The following EPHA5 variants were observed in gnomAD, a reference collection of about 807,000 sequenced individuals.
The protein encoded by EPHA5 is ephrin type-A receptor 5.
In EPHA5, 60 loss-of-function variants were observed where a neutral mutation model predicts 105.0. The ratio of observed to expected loss-of-function variants is 0.57; its 90% CI spans 0.46 to 0.71. EPHA5 has a LOEUF of 0.71. Ranked by LOEUF, EPHA5 falls within the 30% of genes least tolerant of loss-of-function variation. The pLI, the probability that EPHA5 is intolerant of heterozygous loss-of-function variation, is 0.00. For synonymous variants in EPHA5, 513 were observed against 449.1 expected, an observed-to-expected ratio of 1.14 and a Z score of -1.80; for missense variants, 1,218 against 1,274.7, an observed-to-expected ratio of 0.96 and a Z score of 0.68.
chr4:65,539,189 C>T (rs932001881), intron 3 of EPHA5, among the ~76,000 whole-genome samples: 29 of 151,548 alleles, frequency 1.9e-4, no homozygotes, highest in Non-Finnish European at 3.1e-4. Context: ...AAACTGACTG[C>T]CTTGGAACTG....
intron 5 of EPHA5, among the ~76,000 whole-genome samples, chr4:65,433,970 G>C (rs895822480): frequency 6.6e-6 from 1 of 152,124 alleles, no homozygotes; most frequent in South Asian, 2.1e-4. Flanking sequence ...CAAGAGAATC[G>C]CTTGAACCCG....
chr4:65,331,726 G>A, intron 16 of EPHA5: 1 of 1,198,576 alleles, frequency 8.3e-7, no homozygotes, highest in Non-Finnish European at 1.0e-6. Flanking sequence ...TTTTGCCAAG[G>A]AGCTGTTATT....
At chr4:65,361,948 CT>C (rs112240968) in intron 11 of EPHA5, among the ~76,000 whole-genome samples, 1 of 151,468 alleles carries the variant, frequency 6.6e-6, no homozygotes, top group African/African-American at 2.4e-5. Flanking sequence ...AAAATTACAA[CT>C]TTTTTTCCTT....
chr4:65,423,650 C>T (rs984886622), intron 5 of EPHA5, among the ~76,000 whole-genome samples: 2 of 150,350 alleles, frequency 1.3e-5, no homozygotes, highest in Non-Finnish European at 3.0e-5. Flanking sequence ...GATATACCCC[C>T]ATCATTATGG....
chr4:65,530,490 T>C (rs59791640), intron 3 of EPHA5, among the ~76,000 whole-genome samples: 41,832 of 151,992 alleles, frequency 0.28, 5,874 homozygotes, highest in Middle Eastern at 0.34. Context: ...AGGAATAATA[T>C]GGTCAACAGA....
intron 5 of EPHA5, among the ~76,000 whole-genome samples, chr4:65,479,457 A>T (rs1730143089): frequency 6.6e-6 from 1 of 152,202 alleles, no homozygotes; most frequent in African/African-American, 2.4e-5. Context: ...GAAATAAATC[A>T]CATTTCTTGG....
chr4:65,408,126 A>G (rs1722544894), intron 7 of EPHA5, among the ~76,000 whole-genome samples: 1 of 152,026 alleles, frequency 6.6e-6, no homozygotes, highest in Admixed American at 6.6e-5. Flanking sequence ...CTTTTGTTGG[A>G]CCTGAGGGCA....
intron 8 of EPHA5, among the ~76,000 whole-genome samples, chr4:65,371,576 T>G (rs2148906020): frequency 6.6e-6 from 1 of 152,136 alleles, no homozygotes; most frequent in South Asian, 2.1e-4. Flanking sequence ...AACTTAGTTC[T>G]TGAGTATAAA....
intron 5 of EPHA5, among the ~76,000 whole-genome samples, chr4:65,455,316 A>C (rs771795561): frequency 6.6e-6 from 1 of 152,196 alleles, no homozygotes; most frequent in Non-Finnish European, 1.5e-5. Context: ...TCTTCTTGTT[A>C]GTGGGAAATC....
intron 5 of EPHA5, among the ~76,000 whole-genome samples, chr4:65,423,538 G>A (rs1358159799): frequency 6.6e-6 from 1 of 151,754 alleles, no homozygotes; most frequent in African/African-American, 2.4e-5. Flanking sequence ...ATATGACATG[G>A]ATATTTTTAT....
intron 8 of EPHA5, among the ~76,000 whole-genome samples, chr4:65,381,930 A>T (rs190750270): frequency 3.3e-5 from 5 of 151,820 alleles, no homozygotes; most frequent in Non-Finnish European, 7.4e-5. Context: ...ACATTAAAAT[A>T]TCAACACCTT....
chr4:65,378,777 T>C (rs1162302982), intron 8 of EPHA5, among the ~76,000 whole-genome samples: 1 of 121,090 alleles, frequency 8.3e-6, no homozygotes, highest in Non-Finnish European at 1.9e-5. Flanking sequence ...TTGCTTGTTT[T>C]CTTTCTTTCT....
intron 5 of EPHA5, 44 bp from the exon 6 acceptor site, chr4:65,420,609 CT>C: frequency 6.3e-7 from 1 of 1,587,170 alleles, no homozygotes; most frequent in Non-Finnish European, 8.6e-7. Context: ...TAATAAGGCC[CT>C]AAAAGTAAAC....
intron 8 of EPHA5, among the ~76,000 whole-genome samples, chr4:65,378,675 T>C (rs1251649762): frequency 6.6e-6 from 1 of 151,964 alleles, no homozygotes; most frequent in Non-Finnish European, 1.5e-5. Flanking sequence ...GTATGTCTTA[T>C]AAAGCCTAAA....
chr4:65,356,945 T>A (rs1174910467), intron 11 of EPHA5, among the ~76,000 whole-genome samples: 1 of 151,434 alleles, frequency 6.6e-6, no homozygotes, highest in African/African-American at 2.4e-5. Context: ...AAAGACTAGA[T>A]CTGCCAATAA....
chr4:65,584,645 G>T (rs1741943581), intron 3 of EPHA5, among the ~76,000 whole-genome samples: 1 of 151,918 alleles, frequency 6.6e-6, no homozygotes, highest in Middle Eastern at 3.4e-3. Flanking sequence ...CATTTTAAAT[G>T]ACAATGTTAC....
chr4:65,468,614 A>C (rs1360932529), intron 5 of EPHA5, among the ~76,000 whole-genome samples: 2 of 128,310 alleles, frequency 1.6e-5, no homozygotes, highest in African/African-American at 3.1e-5. Context: ...TATATATATT[A>C]TATATATATG....
intron 1 of EPHA5, among the ~76,000 whole-genome samples, chr4:65,647,153 C>G (rs536142300): frequency 2.0e-5 from 3 of 151,528 alleles, no homozygotes; most frequent in Admixed American, 2.0e-4. Flanking sequence ...ACGGTGAAAC[C>G]CCATCTCTAC....
At position 65,421,100 on chromosome 4, in the gene EPHA5, T is replaced by C. The variant is rs535971548; in HGVS notation, c.1403-535A>G. On this transcript the variant is annotated intron_variant, in intron 5 of 16. Transcript: ENST00000613740. Reference sequence around the variant, plus strand: ...TGATACACTTTAAAATAAGAGCAAATAAAATAAACTTTTTTTATTCTCGTT... The same window carrying C: ...TGATACACTTTAAAATAAGAGCAAACAAAATAAACTTTTTTTATTCTCGTT... 1.1e-3 allele frequency among the ~76,000 whole-genome samples: 160 copies of C among 152,110 alleles called. 3 individuals are homozygous for C. The South Asian group carries it at 0.033, about 31-fold the overall frequency.
Sources: gnomAD v4.1 joint callset for allele counts (sites outside exome capture counted in the v4.1 genomes callset) on GRCh38, gnomAD v4.1.1 for gene constraint, MANE v1.5 for transcripts, NCBI Gene and HGNC (gene_info 2026-07-23, HGNC 2026-07-21) for gene names.